The following TRUB2 variants were observed in gnomAD, a reference collection of about 807,000 sequenced individuals.
TRUB2 encodes TruB pseudouridine synthase family member 2.
In TRUB2, 31 loss-of-function variants were observed where a neutral mutation model predicts 31.9. The ratio of observed to expected loss-of-function variants is 0.97; its 90% CI spans 0.73 to 1.31. The LOEUF is 1.31. Ranked by LOEUF, TRUB2 falls within the 50% of genes most tolerant of loss-of-function variation. TRUB2 has a pLI of 0.00. For missense variants in TRUB2, 451 were observed against 439.6 expected (o/e 1.03, Z -0.23); for synonymous variants, 201 against 182.6 (o/e 1.10, Z -0.81).
At position 128,308,651 on chromosome 9, in the gene TRUB2, A is replaced by C. The variant is rs1831908478; in HGVS notation, c.*899T>G. The C allele has an allele frequency of 6.6e-6, 1 of 152,050 alleles. No homozygotes were observed. The highest frequency in any genetic ancestry group is 2.4e-5 in the African/African-American group (1 of 41,396). The allele number at this position is 152,050 out of a possible 1,614,324, so 9.4% of individuals were successfully genotyped here. A position where few individuals can be genotyped will look rare whatever the true frequency, so the allele number is the denominator to read the frequency against. ...TCATTCAATAAACTGAAGACCTTTA[A>C]GAGAAAAGACTGAGGTCCCGGCCAG... On this transcript the variant is annotated 3_prime_UTR_variant, in exon 8 of 8. Coordinates refer to ENST00000372890, the MANE Select transcript of TRUB2 (RefSeq NM_015679.3).
chr9:128,315,580 G>C lies in TRUB2; in HGVS notation c.365C>G (p.Ala122Gly), dbSNP rs1832053581. 6.2e-7 allele frequency: 1 copy of C among 1,613,642 alleles called. No individual in the cohort carries two copies. The highest frequency in any genetic ancestry group is 2.2e-5 in the East Asian group (1 of 44,868). Residue 122 changes from alanine to glycine, a missense_variant, in exon 4 of 8, where the codon GCT becomes GGT. Coordinates refer to ENST00000372890, the MANE Select transcript of TRUB2 (RefSeq NM_015679.3). ...AGACCCTCGTACCTTGGTAAGATGA[G>C]CATTGTACATATCGGTGAGGAGCCT... Reference protein sequence around the residue: ...GCRLLTDMYNAHLTKDYTVRG... With the variant: ...GCRLLTDMYNGHLTKDYTVRG...
chr9:128,319,629 G>T (rs1296824120), intron 2 of TRUB2, among the ~76,000 whole-genome samples: 1 of 151,244 alleles, frequency 6.6e-6, no homozygotes, highest in South Asian at 2.1e-4. Flanking sequence ...TAGGCATGTC[G>T]TCCCATATAC....
Position 128,311,534 on chromosome 9 carries a change from C to T in TRUB2, c.528G>A (p.Leu176=), listed in dbSNP as rs773696711. 2 of 1,614,122 alleles carry T rather than the reference C, an allele frequency of 1.2e-6. No homozygotes were observed. Among genetic ancestry groups the T allele is most frequent in the East Asian group, 2.2e-5 (1 of 44,882 alleles). The change falls in exon 6 of 8, where the codon CTG becomes CTA. Residue 176 remains leucine, a synonymous_variant. Transcript: ENST00000372890. ...AVIQGSHQKA[L]VMYSNLDLKT... ...TCCCTGAGGGCCCTACTCACATCAC[C>T]AGGGCCTTCTGATGGGAGCCTTGGA...
At position 128,315,636 on chromosome 9, in the gene TRUB2, G is replaced by C. The variant is rs1277992274; in HGVS notation, c.317-8C>G. 6.2e-7 allele frequency: 1 copy of C among 1,612,798 alleles called. No individual in the cohort carries two copies. The stretch of plus-strand genomic sequence containing the variant: ...CATGTCCCACGCCGAGCACTGAAAA[G>C]CAGCCAGCGTCATCTCACACCTGGG... On this transcript the variant is annotated splice_polypyrimidine_tract_variant and splice_region_variant and intron_variant, in intron 3 of 7. Transcript: ENST00000372890.
At chr9:128,315,524 G>C in intron 4 of TRUB2, 43 bp downstream of exon 4, 1 of 1,598,332 alleles carries the variant, frequency 6.3e-7, no homozygotes, top group Non-Finnish European at 8.5e-7. Flanking sequence ...TGACCCCCAG[G>C]AAAGGACCAA....
rs369721543 is a variant in TRUB2 at position 128,311,539 on chromosome 9, C to T, written c.523G>A (p.Ala175Thr). The T allele has an allele frequency of 1.2e-6, 2 of 1,614,160 alleles. No homozygotes were observed. Among genetic ancestry groups the T allele is most frequent in the South Asian group, 2.2e-5 (2 of 91,090 alleles). ...LAVIQGSHQK[A>T]LVMYSNLDLK... ...GAGGGCCCTACTCACATCACCAGGG[C>T]CTTCTGATGGGAGCCTTGGATAACG... is the stretch of plus-strand genomic sequence containing the variant. The change falls in exon 6 of 8, where the codon GCC becomes ACC. Residue 175 changes from alanine to threonine, a missense_variant. By Grantham distance (58) the Ala-to-Thr change is moderately conservative. Coordinates refer to ENST00000372890, the MANE Select transcript of TRUB2 (RefSeq NM_015679.3).
chr9:128,307,339 G>C lies in TRUB2; in HGVS notation c.*2211C>G, dbSNP rs945516183. 3 of 151,562 alleles carry C rather than the reference G, an allele frequency of 2.0e-5. No homozygotes were observed. Among genetic ancestry groups the C allele is most frequent in the African/African-American group, 7.3e-5 (3 of 41,222 alleles). 9.4% of individuals were successfully genotyped at this position (151,562 alleles called of 1,614,324 possible). A position where few individuals can be genotyped will look rare whatever the true frequency, so the allele number is the denominator to read the frequency against. ...GCCTGTAGTCCCAGCTATTCTGGAG[G>C]GTGAGGTGGGAAGATGGTTGAGCCT... On this transcript the variant is annotated 3_prime_UTR_variant, in exon 8 of 8. Transcript: ENST00000372890.
intron 2 of TRUB2, among the ~76,000 whole-genome samples, chr9:128,320,242 C>A (rs1402730451): frequency 6.6e-6 from 1 of 152,116 alleles, no homozygotes; most frequent in Non-Finnish European, 1.5e-5. Flanking sequence ...AGTCTCGGCT[C>A]ACTGCAGCCT....
chr9:128,309,004 C>T lies in TRUB2; in HGVS notation c.*546G>A, dbSNP rs1400296265. The T allele has an allele frequency of 2.0e-5, 3 of 153,402 alleles. No individual in the cohort carries two copies. Among genetic ancestry groups the T allele is most frequent in the African/African-American group, 7.2e-5 (3 of 41,462 alleles). The allele number at this position is 153,402 out of a possible 1,614,324, so 9.5% of individuals were successfully genotyped here. A position where few individuals can be genotyped will look rare whatever the true frequency, so the allele number is the denominator to read the frequency against. The stretch of plus-strand genomic sequence containing the variant: ...TTTGGATTTCTTCTGATACACACTT[C>T]ATCTCATTTGCCTAATTTTGTCGTT... On this transcript the variant is annotated 3_prime_UTR_variant, in exon 8 of 8. Transcript: ENST00000372890.
Position 128,315,462 on chromosome 9 carries a change from T to C in TRUB2, c.378+105A>G, listed in dbSNP as rs974597510. ...CACGATCATCAAAAAAATGCTTGCTTATGGCTTGGGTGTTCCCCCACGGAA... is the reference window on the plus strand; with the variant it reads ...CACGATCATCAAAAAAATGCTTGCTCATGGCTTGGGTGTTCCCCCACGGAA... On this transcript the variant is annotated intron_variant, in intron 4 of 7. Transcript: ENST00000372890. 5.9e-6 allele frequency: 7 copies of C among 1,190,170 alleles called. No homozygotes were observed. The Admixed American group carries it at 1.5e-4, about 25-fold the overall frequency. 73.7% of individuals were successfully genotyped at this position (1,190,170 alleles called of 1,614,324 possible).
chr9:128,317,319 T>C, intron 2 of TRUB2, 93 bp from the exon 3 acceptor site: 1 of 1,162,954 alleles, frequency 8.6e-7, no homozygotes, highest in Non-Finnish European at 1.3e-6. Flanking sequence ...AGAATGGGCC[T>C]CATGGAGCCC....
chr9:128,311,633 G>C (rs768221853), intron 5 of TRUB2, 32 bp from the exon 6 acceptor site: 6 of 1,611,210 alleles, frequency 3.7e-6, no homozygotes, highest in Non-Finnish European at 5.1e-6. Context: ...CAATGTACAG[G>C]TACCTGCTGA....
At position 128,309,572 on chromosome 9, in the gene TRUB2, A is replaced by G; in HGVS notation, c.974T>C (p.Leu325Pro). Reference sequence around the variant, plus strand: ...CATTCACTGCCCCGCACCCCTCTCCAGCCCCAAGGTAGAGCTCGGGCCCTG... The same window carrying G: ...CATTCACTGCCCCGCACCCCTCTCCGGCCCCAAGGTAGAGCTCGGGCCCTG... The part of the protein sequence containing the change: ...DSQGPSSTLG[L>P]ERGAGQ Residue 325 changes from leucine (L) to proline (P), a missense_variant, in exon 8 of 8, where the codon CTG becomes CCG. Transcript: ENST00000372890. 1 of 1,611,614 alleles carries G rather than the reference A, an allele frequency of 6.2e-7. No homozygotes were observed. Among genetic ancestry groups the G allele is most frequent in the Non-Finnish European group, 8.5e-7 (1 of 1,178,190 alleles).
chr9:128,319,943 T>C (rs1832134345), intron 2 of TRUB2, among the ~76,000 whole-genome samples: 1 of 148,404 alleles, frequency 6.7e-6, no homozygotes, highest in Non-Finnish European at 1.5e-5. Context: ...TGAGACTGAG[T>C]CTCGCTGTGT....
At position 128,309,139 on chromosome 9, in the gene TRUB2, A is replaced by G. The variant is rs2131440758; in HGVS notation, c.*411T>C. On this transcript the variant is annotated 3_prime_UTR_variant, in exon 8 of 8. Transcript: ENST00000372890. ...TTTAATTTTTAATTTTCGTGGGCAC[A>G]TAGTTTATTGAGAATTTTTTTTTTT... 5.8e-6 allele frequency: 1 copy of G among 171,282 alleles called. No individual in the cohort carries two copies. Among genetic ancestry groups the G allele is most frequent in the African/African-American group, 2.4e-5 (1 of 41,848 alleles). 10.6% of individuals were successfully genotyped at this position (171,282 alleles called of 1,614,324 possible).
intron 5 of TRUB2, among the ~76,000 whole-genome samples, chr9:128,312,995 T>C (rs1588522548): frequency 2.0e-5 from 3 of 149,206 alleles, no homozygotes; most frequent in East Asian, 4.2e-4. Context: ...GTGGGCAGAA[T>C]ACCTGAGGTC....
Position 128,306,581 on chromosome 9 carries a change from A to C in TRUB2, c.*2969T>G, listed in dbSNP as rs567744470. ...CAGCCTCCCGGGTAGCCAGGACTAC[A>C]GGCACGTGCAAGCACGCCCGGCTAA... is the stretch of plus-strand genomic sequence containing the variant. On this transcript the variant is annotated 3_prime_UTR_variant, in exon 8 of 8. Transcript: ENST00000372890. 1 of 151,752 alleles carries C rather than the reference A, an allele frequency of 6.6e-6. No homozygotes were observed. Among genetic ancestry groups the C allele is most frequent in the African/African-American group, 2.4e-5 (1 of 41,366 alleles). 9.4% of individuals were successfully genotyped at this position (151,752 alleles called of 1,614,324 possible).
In TRUB2 at chr9:128,315,592, T is replaced by A; in HGVS notation, c.353A>T (p.Asp118Val). 1 of 1,613,638 alleles carries A rather than the reference T, an allele frequency of 6.2e-7. No individual in the cohort carries two copies. The highest frequency in any genetic ancestry group is 8.5e-7 in the Non-Finnish European group (1 of 1,179,858). The stretch of plus-strand genomic sequence containing the variant: ...CTTGGTAAGATGAGCATTGTACATA[T>A]CGGTGAGGAGCCTGCATCCATGTCC... ...GVGHGCRLLT[D>V]MYNAHLTKDY... The change falls in exon 4 of 8, where the codon GAT (aspartate) becomes GTT (valine). Residue 118 changes from aspartate to valine, a missense_variant. Physicochemically the swap from Asp to Val is radical, Grantham distance 152 (BLOSUM62 -3). Transcript: ENST00000372890.
intron 2 of TRUB2, among the ~76,000 whole-genome samples, chr9:128,320,939 C>T (rs185337685): frequency 7.9e-5 from 12 of 152,100 alleles, no homozygotes; most frequent in Admixed American, 4.6e-4. Context: ...CAGGCGCCTG[C>T]CACCACTCCC....
Sources: allele counts gnomAD v4.1 joint callset (sites outside exome capture counted in the v4.1 genomes callset), GRCh38; gene constraint gnomAD v4.1.1; transcripts MANE v1.5; gene names NCBI Gene and HGNC (gene_info 2026-07-23, HGNC 2026-07-21).